The following FRMD4A variants were observed in gnomAD, a reference collection of about 807,000 sequenced individuals.
The protein encoded by FRMD4A is FERM domain containing 4A, also known as FERM domain-containing protein 4A.
A neutral mutation model predicts 129.1 loss-of-function variants in FRMD4A; 29 were observed. The observed-to-expected ratio is 0.22, with a 90% CI of 0.17 to 0.31. The LOEUF is 0.31. Ranked by LOEUF, FRMD4A falls within the 10% of genes least tolerant of loss-of-function variation. FRMD4A has a pLI of 1.00. For synonymous variants in FRMD4A, 634 were observed against 571.6 expected (o/e 1.11, Z -1.56); for missense variants, 1,272 against 1,375.8 (o/e 0.92, Z 1.19).
chr10:14,161,086 C>T (rs1447274778), intron 2 of FRMD4A, among the ~76,000 whole-genome samples: 1 of 152,170 alleles, frequency 6.6e-6, no homozygotes, highest in Admixed American at 6.5e-5. Context: ...CCCCGAGTCG[C>T]TGGGATTACA....
intron 2 of FRMD4A, among the ~76,000 whole-genome samples, chr10:14,151,506 CAGGAG>C (rs1287185196): frequency 6.6e-6 from 1 of 152,064 alleles, no homozygotes; most frequent in African/African-American, 2.4e-5. Context: ...GGGACCAGGA[CAGGAG>C]AGGAGAGGGT....
chr10:14,310,154 C>T (rs1442964284), intron 2 of FRMD4A, among the ~76,000 whole-genome samples: 2 of 122,992 alleles, frequency 1.6e-5, no homozygotes, highest in Admixed American at 1.8e-4. Flanking sequence ...CGGCTTTGGG[C>T]CTCTGCAGCA....
chr10:14,306,660 T>C (rs973232877), intron 2 of FRMD4A, among the ~76,000 whole-genome samples: 1 of 152,214 alleles, frequency 6.6e-6, no homozygotes, highest in Non-Finnish European at 1.5e-5. Context: ...TTTGATCCTA[T>C]GCCCCTGTAA....
chr10:13,700,606 G>C (rs74121854), intron 14 of FRMD4A, among the ~76,000 whole-genome samples: 23 of 152,230 alleles, frequency 1.5e-4, no homozygotes, highest in African/African-American at 4.3e-4. Context: ...AGTGGCTTGT[G>C]GGGGGCTGAC....
At chr10:13,820,156 G>A (rs1202162912) in intron 3 of FRMD4A, among the ~76,000 whole-genome samples, 1 of 152,192 alleles carries the variant, frequency 6.6e-6, no homozygotes, top group East Asian at 1.9e-4. Context: ...GTCCCCTCCA[G>A]CTGCCTCCAG....
intron 2 of FRMD4A, among the ~76,000 whole-genome samples, chr10:14,266,084 A>T (rs1201529777): frequency 6.6e-6 from 1 of 150,740 alleles, no homozygotes. Context: ...CAGTGAACTG[A>T]ACGGGTGTGG....
At chr10:13,765,110 TTTTG>T (rs1564763196) in intron 6 of FRMD4A, among the ~76,000 whole-genome samples, 1 of 143,546 alleles carries the variant, frequency 7.0e-6, no homozygotes, top group Non-Finnish European at 1.5e-5. Flanking sequence ...GATTTTTTTT[TTTTG>T]TTTTTTTTTT....
chr10:13,740,708 T>G, intron 9 of FRMD4A, 131 bp from the exon 10 acceptor site: 1 of 621,450 alleles, frequency 1.6e-6, no homozygotes, highest in Non-Finnish European at 2.9e-6. Context: ...GAAAAATGAT[T>G]TGTCCTGGAG....
chr10:14,026,872 T>G (rs898867139), intron 2 of FRMD4A, among the ~76,000 whole-genome samples: 24 of 152,244 alleles, frequency 1.6e-4, no homozygotes, highest in African/African-American at 5.8e-4. Flanking sequence ...GGTATGTATC[T>G]GCATATGTGC....
intron 2 of FRMD4A, among the ~76,000 whole-genome samples, chr10:13,889,971 C>T (rs1216824650): frequency 6.6e-6 from 1 of 152,230 alleles, no homozygotes; most frequent in African/African-American, 2.4e-5. Flanking sequence ...ATTTGTCACA[C>T]GACCCTCATT....
intron 2 of FRMD4A, among the ~76,000 whole-genome samples, chr10:14,248,880 G>A (rs1453144407): frequency 6.6e-6 from 1 of 152,200 alleles, no homozygotes; most frequent in African/African-American, 2.4e-5. Context: ...TTCCATGTTT[G>A]TCAAGTTAAA....
chr10:14,272,391 T>G (rs1845192067), intron 2 of FRMD4A, among the ~76,000 whole-genome samples: 4 of 152,318 alleles, frequency 2.6e-5, no homozygotes, highest in African/African-American at 9.6e-5. Context: ...GTGAGGGCTA[T>G]ATGTCTCTGC....
At chr10:13,740,600 CTGT>C in intron 9 of FRMD4A, 23 bp from the exon 10 acceptor site, 1 of 1,360,708 alleles carries the variant, frequency 7.3e-7, no homozygotes, top group Non-Finnish European at 1.0e-6. Flanking sequence ...GAAAAGAATG[CTGT>C]TGTTGGAGTC....
At chr10:13,740,288 C>T (rs1044919195) in intron 10 of FRMD4A, 37 bp from the exon 11 acceptor site, 2 of 1,434,684 alleles carry the variant, frequency 1.4e-6, no homozygotes, top group Admixed American at 1.7e-5. Context: ...AACACACACA[C>T]AATGCGCAAA....
intron 2 of FRMD4A, among the ~76,000 whole-genome samples, chr10:14,171,625 ATG>A (rs1212294167): frequency 1.3e-5 from 2 of 152,198 alleles, no homozygotes; most frequent in Non-Finnish European, 2.9e-5. Flanking sequence ...ATGCATATTT[ATG>A]TGCCAATTAT....
At chr10:13,817,619 C>T (rs945048305) in intron 3 of FRMD4A, among the ~76,000 whole-genome samples, 6 of 152,328 alleles carry the variant, frequency 3.9e-5, no homozygotes, top group African/African-American at 9.6e-5. Context: ...CTCACAAGAT[C>T]TGACGGTTTT....
chr10:14,092,306 T>A (rs1291164663), intron 2 of FRMD4A, among the ~76,000 whole-genome samples: 1 of 152,224 alleles, frequency 6.6e-6, no homozygotes, highest in East Asian at 1.9e-4. Flanking sequence ...AACCTGCCTA[T>A]GGACAGTGAT....
intron 2 of FRMD4A, among the ~76,000 whole-genome samples, chr10:14,291,449 A>C (rs113073476): frequency 0.019 from 2,964 of 152,250 alleles, 44 homozygotes; most frequent in Non-Finnish European, 0.03. Context: ...ATGTATAAAA[A>C]TGGCTAGTCA....
intron 2 of FRMD4A, among the ~76,000 whole-genome samples, chr10:14,080,046 C>T (rs1835836962): frequency 6.6e-6 from 1 of 152,184 alleles, no homozygotes. Context: ...CTGCCTGGAC[C>T]TCCCTGCTTT....
Sources: allele counts gnomAD v4.1 joint callset (sites outside exome capture counted in the v4.1 genomes callset), GRCh38; gene constraint gnomAD v4.1.1; transcripts MANE v1.5; gene names NCBI Gene and HGNC (gene_info 2026-07-23, HGNC 2026-07-21).